Variants in KAT14 observed in about 807,000 individuals in gnomAD.
The protein encoded by KAT14 is lysine acetyltransferase 14.
A neutral mutation model predicts 78.4 loss-of-function variants in KAT14; 66 were observed. The ratio of observed to expected loss-of-function variants is 0.84; its 90% CI spans 0.69 to 1.03. The LOEUF is 1.03. Ranked by LOEUF, KAT14 falls within the 50% of genes least tolerant of loss-of-function variation. The pLI is 0.00. For synonymous variants in KAT14, 344 were observed against 359.4 expected, an observed-to-expected ratio of 0.96 and a Z score of 0.48; for missense variants, 870 against 972.5, an observed-to-expected ratio of 0.89 and a Z score of 1.40.
At chr20:18,164,640 A>G (rs144061465) in intron 7 of KAT14, among the ~76,000 whole-genome samples, 1,766 of 135,682 alleles carry the variant, frequency 0.013, 45 homozygotes, top group African/African-American at 0.047. Flanking sequence ...TTTTTGAGAC[A>G]TGGTCTCTCT....
At chr20:18,141,391 T>C (rs899787914) in intron 1 of KAT14, among the ~76,000 whole-genome samples, 2 of 152,174 alleles carry the variant, frequency 1.3e-5, no homozygotes, top group African/African-American at 2.4e-5. Context: ...TTCTCTGTTA[T>C]ATAATTAATT....
intron 1 of KAT14, among the ~76,000 whole-genome samples, chr20:18,141,921 A>G (rs1339348099): frequency 1.3e-5 from 2 of 151,844 alleles, no homozygotes; most frequent in South Asian, 2.1e-4. Context: ...ACATAGTGCC[A>G]GTTTTTTTTT....
At chr20:18,158,939 C>T in intron 4 of KAT14, 145 bp from the exon 5 acceptor site, 1 of 987,352 alleles carries the variant, frequency 1.0e-6, no homozygotes, top group Non-Finnish European at 1.4e-6. Flanking sequence ...ACTCCAGAGC[C>T]TCTCTCCTGC....
In KAT14 at chr20:18,162,540, C is replaced by T. The variant is rs145314764; in HGVS notation, c.1263C>T (p.Asp421=). ...QEVESEEEKP[D]RMDIDSEDTD... ...TAGAGAGTGAGGAGGAAAAACCCGA[C>T]AGGATGGATATTGACAGTGAAGACA... The change falls in exon 7 of 11, where the codon GAC becomes GAT. Residue 421 remains aspartate (D), a synonymous_variant. Transcript: ENST00000688188. 1.3e-4 allele frequency: 212 copies of T among 1,614,100 alleles called. No individual in the cohort carries two copies. The Middle Eastern group carries it at 2.0e-3, about 15-fold the overall frequency.
chr20:18,145,050 A>C (rs190094251), intron 2 of KAT14, 183 bp from the exon 3 acceptor site: 3 of 1,356,368 alleles, frequency 2.2e-6, no homozygotes, highest in Admixed American at 3.3e-5. Flanking sequence ...GTGGGCGTAT[A>C]CTTGGTGTTA....
Position 18,146,077 on chromosome 20 carries a change from C to T in KAT14, c.378+726C>T, listed in dbSNP as rs929877153. Among the ~76,000 whole-genome samples the T allele has an allele frequency of 4.6e-5, 7 of 152,272 alleles. No individual in the cohort carries two copies. In the East Asian group the frequency reaches 1.2e-3, roughly 25 times the overall value. ...TTTTTGTTTGCTGAAATACTTGTTCCTTTTTAACTGTCTCTAATATCAGCA... is the reference window on the plus strand; with the variant it reads ...TTTTTGTTTGCTGAAATACTTGTTCTTTTTTAACTGTCTCTAATATCAGCA... On this transcript the variant is annotated intron_variant, in intron 3 of 10. Coordinates refer to ENST00000688188, the MANE Select transcript of KAT14 (RefSeq NM_001392073.1).
In KAT14 at chr20:18,139,648, GTGTGTGTGTGTGTGTGTGTGTGTGTGTT is replaced by G. The variant is rs202206920; in HGVS notation, c.-454+1599_-454+1626del. ...ACCAAAATAACGTGTGTGTGTGTGT[GTGTGTGTGTGTGTGTGTGTGTGTGTGTT>G]TATTTTTTTTCCTTTTATGTCCGGT... is the stretch of plus-strand genomic sequence containing the variant. On this transcript the variant is annotated intron_variant, in intron 1 of 10. Coordinates refer to ENST00000688188, the MANE Select transcript of KAT14 (RefSeq NM_001392073.1). Among the ~76,000 whole-genome samples the G allele has an allele frequency of 4.2e-3, 362 of 86,262 alleles. 8 individuals carry two copies. The East Asian group carries it at 0.066, about 16-fold the overall frequency. The allele number at this position is 86,262 out of a possible 152,430, so 56.6% of individuals were successfully genotyped here. A position where few individuals can be genotyped will look rare whatever the true frequency, so the allele number is the denominator to read the frequency against.
chr20:18,166,823 GA>G (rs1484248425), intron 7 of KAT14, among the ~76,000 whole-genome samples: 3 of 152,210 alleles, frequency 2.0e-5, no homozygotes, highest in African/African-American at 7.2e-5. Context: ...CCAACATACT[GA>G]AAAGACCCTC....
rs1426268645 is a variant in KAT14, at chr20:18,176,489, G to C, written c.1669-5221G>C. On this transcript the variant is annotated intron_variant, in intron 7 of 10. Transcript: ENST00000688188. ...GGGGACAGTGATGTTACATCATGCA[G>C]AGTGAACGTGGGGAGGAGTAGCGGG... Among the ~76,000 whole-genome samples the C allele has an allele frequency of 2.0e-5, 3 of 152,156 alleles. No individual in the cohort carries two copies. In the South Asian group the frequency reaches 6.2e-4, roughly 31 times the overall value.
intron 7 of KAT14, among the ~76,000 whole-genome samples, chr20:18,171,532 C>A (rs1250724831): frequency 6.6e-6 from 1 of 152,224 alleles, no homozygotes; most frequent in Non-Finnish European, 1.5e-5. Context: ...CATCACATGG[C>A]CAGGCACAGT....
chr20:18,152,368 G>A (rs6081007), intron 4 of KAT14, among the ~76,000 whole-genome samples: 1 of 152,188 alleles, frequency 6.6e-6, no homozygotes, highest in South Asian at 2.1e-4. Context: ...CCTGAGGTCT[G>A]GAGTTCGAGA....
chr20:18,138,042 G>C lies in KAT14; in HGVS notation c.-463G>C. 6.7e-7 allele frequency: 1 copy of C among 1,487,024 alleles called. No individual in the cohort carries two copies. The highest frequency in any genetic ancestry group is 8.9e-7 in the Non-Finnish European group (1 of 1,125,472). 92.1% of individuals were successfully genotyped at this position (1,487,024 alleles called of 1,614,324 possible). A position where few individuals can be genotyped will look rare whatever the true frequency, so the allele number is the denominator to read the frequency against. On this transcript the variant is annotated 5_prime_UTR_variant, in exon 1 of 11. Coordinates refer to ENST00000688188, the MANE Select transcript of KAT14 (RefSeq NM_001392073.1). ...CCGGCGTACATGTGAAGCAGCAGTG[G>C]GACCAGCAGGTCGGTGTCACGTGAC...
Position 18,142,303 on chromosome 20 carries a change from A to G in KAT14, c.-358A>G, listed in dbSNP as rs1180042005. The G allele has an allele frequency of 2.0e-6, 3 of 1,537,074 alleles. No homozygotes were observed. Among genetic ancestry groups the G allele is most frequent in the Middle Eastern group, 1.7e-4 (1 of 5,990 alleles). ...GAGAACAGATTATTTTGACTGAGCA[A>G]CTTGAAGCAGAAAGAGAGAAGATGT... On this transcript the variant is annotated 5_prime_UTR_variant, in exon 2 of 11. Coordinates refer to ENST00000688188, the MANE Select transcript of KAT14 (RefSeq NM_001392073.1).
intron 7 of KAT14, among the ~76,000 whole-genome samples, chr20:18,163,551 A>G (rs1223465362): frequency 1.3e-5 from 2 of 152,236 alleles, no homozygotes; most frequent in Non-Finnish European, 2.9e-5. Flanking sequence ...AAGTTTTGCT[A>G]ATTGGCTGGC....
Position 18,179,955 on chromosome 20 carries a change from A to G in KAT14, c.1669-1755A>G, listed in dbSNP as rs189342204. On this transcript the variant is annotated intron_variant, in intron 7 of 10. Transcript: ENST00000688188. ...GCGATCTTGGCTCACTACAACCTCTACCTCCCAGGTTCAAGTGATTCTCCT... is the reference window on the plus strand; with the variant it reads ...GCGATCTTGGCTCACTACAACCTCTGCCTCCCAGGTTCAAGTGATTCTCCT... 7.7e-3 allele frequency among the ~76,000 whole-genome samples: 1,168 copies of G among 151,106 alleles called. 8 individuals carry two copies. The highest frequency in any genetic ancestry group is 0.011 in the Non-Finnish European group (772 of 67,718).
chr20:18,155,274 T>A (rs2038185504), intron 4 of KAT14, among the ~76,000 whole-genome samples: 1 of 152,242 alleles, frequency 6.6e-6, no homozygotes, highest in Non-Finnish European at 1.5e-5. Context: ...AAGTTCTGAA[T>A]TTTCTTTCAG....
chr20:18,174,480 T>C (rs955647049), intron 7 of KAT14, among the ~76,000 whole-genome samples: 1 of 152,194 alleles, frequency 6.6e-6, no homozygotes, highest in African/African-American at 2.4e-5. Flanking sequence ...GCCATATTGT[T>C]GTTGTCTGTC....
chr20:18,166,051 A>T (rs2038627453), intron 7 of KAT14, among the ~76,000 whole-genome samples: 1 of 152,208 alleles, frequency 6.6e-6, no homozygotes, highest in Non-Finnish European at 1.5e-5. Flanking sequence ...ATGTGTTAGA[A>T]ATACCAAAAT....
chr20:18,174,566 C>T (rs2038965487), intron 7 of KAT14, among the ~76,000 whole-genome samples: 1 of 151,784 alleles, frequency 6.6e-6, no homozygotes, highest in Non-Finnish European at 1.5e-5. Context: ...TCTTTGATGA[C>T]TATTATACTT....
Sources: allele counts gnomAD v4.1 joint callset (sites outside exome capture counted in the v4.1 genomes callset), GRCh38; gene constraint gnomAD v4.1.1; transcripts MANE v1.5; gene names NCBI Gene and HGNC (gene_info 2026-07-23, HGNC 2026-07-21).